RORA: variants seen among roughly 807,000 people sequenced by gnomAD.
RORA encodes nuclear receptor ROR-alpha.
A neutral mutation model predicts 69.5 loss-of-function variants in RORA; 7 were observed. The observed-to-expected ratio is 0.10, with a 90% CI of 0.06 to 0.19. The LOEUF (loss-of-function observed/expected upper bound fraction) is 0.19, where lower values mean the gene tolerates loss of function less well. Among genes scored for constraint, RORA ranks in the 10% least tolerant of loss-of-function variants. The probability of loss-of-function intolerance (pLI) is 1.00; values close to 1 mark genes in which losing one functional copy is unlikely to be tolerated. For missense variants in RORA, 457 were observed against 663.0 expected, an observed-to-expected ratio of 0.69 and a Z score of 3.41; for synonymous variants, 261 against 240.8, an observed-to-expected ratio of 1.08 and a Z score of -0.78.
chr15:60,705,631 C>T (rs1238239542), intron 1 of RORA, among the ~76,000 whole-genome samples: 1 of 152,148 alleles, frequency 6.6e-6, no homozygotes, highest in East Asian at 1.9e-4. Flanking sequence ...GTAACTAAGA[C>T]CTTAAAAACA....
At chr15:60,707,363 T>TTTATTTATTTATTTAC in intron 1 of RORA, among the ~76,000 whole-genome samples, 1 of 150,032 alleles carries the variant, frequency 6.7e-6, no homozygotes, top group Non-Finnish European at 1.5e-5. Context: ...TATTTATTTA[T>TTTATTTATTTATTTAC]TTATTTATTT....
chr15:60,499,492 T>C (rs1156659027), intron 10 of RORA, among the ~76,000 whole-genome samples: 1 of 152,222 alleles, frequency 6.6e-6, no homozygotes, highest in Non-Finnish European at 1.5e-5. Flanking sequence ...GAGCTATGAT[T>C]GTGCCACTTC....
At chr15:60,939,613 C>T (rs565523901) in intron 1 of RORA, among the ~76,000 whole-genome samples, 57 of 152,226 alleles carry the variant, frequency 3.7e-4, no homozygotes, top group Non-Finnish European at 6.5e-4. Flanking sequence ...GCGGCCGTGT[C>T]GGCCATCAGT....
intron 1 of RORA, among the ~76,000 whole-genome samples, chr15:60,693,862 T>C (rs899581392): frequency 6.6e-6 from 1 of 152,152 alleles, no homozygotes; most frequent in African/African-American, 2.4e-5. Flanking sequence ...AAAATGGCCA[T>C]ACTACCCAAA....
At chr15:60,592,378 C>G (rs1178244606) in intron 2 of RORA, 8 of 1,422,914 alleles carry the variant, frequency 5.6e-6, no homozygotes, top group South Asian at 4.3e-5. Flanking sequence ...GCGGGGCGCC[C>G]GGGCTCACCT....
chr15:61,010,739 T>A (rs1895060638), intron 1 of RORA, among the ~76,000 whole-genome samples: 1 of 152,194 alleles, frequency 6.6e-6, no homozygotes, highest in Non-Finnish European at 1.5e-5. Context: ...TAGGACTTAG[T>A]TGCAAGGGGG....
At chr15:60,509,815 CTACCTCTG>C (rs2065636132) in intron 5 of RORA, among the ~76,000 whole-genome samples, 1 of 151,326 alleles carries the variant, frequency 6.6e-6, no homozygotes, top group South Asian at 2.1e-4. Flanking sequence ...AAAATCAAAC[CTACCTCTG>C]CTCAGCTTGG....
At chr15:60,627,595 T>C in intron 2 of RORA, 1 of 1,181,748 alleles carries the variant, frequency 8.5e-7, no homozygotes, top group Non-Finnish European at 1.1e-6. Flanking sequence ...CCCATAATTG[T>C]TGACTAAATT....
chr15:60,742,213 A>T (rs2071583830), intron 1 of RORA, among the ~76,000 whole-genome samples: 1 of 152,222 alleles, frequency 6.6e-6, no homozygotes, highest in Non-Finnish European at 1.5e-5. Flanking sequence ...GAATGCTGTT[A>T]TTCTTTTAAA....
Position 61,061,422 on chromosome 15 carries a change from G to A in RORA, c.166+167631C>T, listed in dbSNP as rs1425886618. Among the ~76,000 whole-genome samples the A allele has an allele frequency of 6.6e-6, 1 of 151,824 alleles. No homozygotes were observed. Among genetic ancestry groups the A allele is most frequent in the Non-Finnish European group, 1.5e-5 (1 of 67,972 alleles). ...ATACAAGGGCATCGCAGGAAGTCCT[G>A]ATGTCAAGGTAATGCGGCCAGGCAT... On this transcript the variant is annotated intron_variant, in intron 1 of 10. Coordinates refer to ENST00000335670, the MANE Select transcript of RORA (RefSeq NM_134261.3). The surrounding 1 kb of genome is among the most constrained non-coding windows in gnomAD (Gnocchi z 4.4).
chr15:60,944,116 A>T (rs947778589), intron 1 of RORA, among the ~76,000 whole-genome samples: 1 of 152,046 alleles, frequency 6.6e-6, no homozygotes, highest in Non-Finnish European at 1.5e-5. Flanking sequence ...TCTGTCAAAG[A>T]ATTTGTATAA....
At chr15:60,544,286 C>T (rs1344515508) in intron 2 of RORA, among the ~76,000 whole-genome samples, 1 of 152,160 alleles carries the variant, frequency 6.6e-6, no homozygotes, top group East Asian at 1.9e-4. Context: ...ATGGCAAAAC[C>T]CAGCAGGTTT....
intron 1 of RORA, among the ~76,000 whole-genome samples, chr15:60,837,007 T>C (rs72750640): frequency 4.1e-4 from 62 of 151,058 alleles, no homozygotes; most frequent in Non-Finnish European, 8.1e-4. Flanking sequence ...AAACTCATGC[T>C]CACATACAAA....
chr15:61,073,238 G>C (rs1033457611), intron 1 of RORA, among the ~76,000 whole-genome samples: 2 of 152,204 alleles, frequency 1.3e-5, no homozygotes, highest in African/African-American at 2.4e-5. Context: ...GCTTTTGTTA[G>C]ATTGTGAGGC....
chr15:60,515,919 A>ATATATT (rs1555424725), intron 3 of RORA, among the ~76,000 whole-genome samples: 1 of 61,392 alleles, frequency 1.6e-5, no homozygotes, highest in African/African-American at 1.1e-4. Context: ...TTGTATTTAT[A>ATATATT]TATATATTTA....
chr15:60,628,526 A>G (rs1251352233), intron 2 of RORA, among the ~76,000 whole-genome samples: 1 of 152,112 alleles, frequency 6.6e-6, no homozygotes, highest in Non-Finnish European at 1.5e-5. Flanking sequence ...TACTGCACCC[A>G]GCTAATTTTT....
chr15:61,150,371 C>T lies in RORA; in HGVS notation c.166+78682G>A, dbSNP rs368540738. 1.1e-4 allele frequency among the ~76,000 whole-genome samples: 16 copies of T among 152,246 alleles called. No homozygotes were observed. In the East Asian group the frequency reaches 2.1e-3, roughly 20 times the overall value. On this transcript the variant is annotated intron_variant, in intron 1 of 10. Transcript: ENST00000335670. The stretch of plus-strand genomic sequence containing the variant: ...ATAAGCACTGTAGAGCCATCATTTG[C>T]ACACACATGAACATTCACAAATAAT...
intron 2 of RORA, among the ~76,000 whole-genome samples, chr15:60,671,247 T>G (rs1037232777): frequency 1.3e-5 from 2 of 151,918 alleles, no homozygotes; most frequent in African/African-American, 2.4e-5. Context: ...AAGTATAAAT[T>G]TATTATAAAT....
At chr15:61,017,935 G>A (rs1435957101) in intron 1 of RORA, among the ~76,000 whole-genome samples, 1 of 152,146 alleles carries the variant, frequency 6.6e-6, no homozygotes, top group African/African-American at 2.4e-5. Flanking sequence ...CTTTATTTAA[G>A]GAGTGAAAGG....
Sources: allele counts gnomAD v4.1 joint callset (sites outside exome capture counted in the v4.1 genomes callset), GRCh38; gene constraint gnomAD v4.1.1; non-coding constraint Gnocchi (gnomAD v3.1); transcripts MANE v1.5; gene names NCBI Gene and HGNC (gene_info 2026-07-23, HGNC 2026-07-21).